USP42: variants seen among roughly 807,000 people sequenced by gnomAD.
The protein encoded by USP42 is ubiquitin carboxyl-terminal hydrolase 42.
USP42 carries 23 observed loss-of-function variants against 113.0 expected under a neutral mutation model. The observed-to-expected ratio is 0.20, with a 90% confidence interval of 0.15 to 0.29. The LOEUF (loss-of-function observed/expected upper bound fraction) is 0.29. Among genes scored for constraint, USP42 ranks in the 10% least tolerant of loss-of-function variants. USP42 has a pLI of 1.00. For missense variants in USP42, 2,174 were observed against 1,779.8 expected, an observed-to-expected ratio of 1.22 and a Z score of -3.99; for synonymous variants, 933 against 699.0, an observed-to-expected ratio of 1.33 and a Z score of -5.28.
intron 3 of USP42, among the ~76,000 whole-genome samples, chr7:6,124,007 C>T (rs1430799492): frequency 6.6e-6 from 1 of 152,100 alleles, no homozygotes; most frequent in Non-Finnish European, 1.5e-5. Context: ...TCCTAAGTAG[C>T]TGGGATTACA....
In USP42 at chr7:6,149,732, G is replaced by A; in HGVS notation, c.1536G>A (p.Val512=). The part of the protein sequence containing the change: ...VQNWSVNRSS[V]IPEHPKKQKI... ...ACTGGTCAGTTAATAGGTCCTCAGT[G>A]ATCCCAGAACATCCTAAGAAACAAA... is the stretch of plus-strand genomic sequence containing the variant. The change falls in exon 13 of 18, where the codon GTG becomes GTA. Residue 512 remains valine (V), a synonymous_variant. Coordinates refer to ENST00000306177, the MANE Select transcript of USP42 (RefSeq NM_032172.3). The A allele has an allele frequency of 6.2e-7, 1 of 1,613,932 alleles. No individual in the cohort carries two copies. Among genetic ancestry groups the A allele is most frequent in the Non-Finnish European group, 8.5e-7 (1 of 1,179,884 alleles).
At chr7:6,103,228 C>T (rs1456894176), upstream of USP42, among the ~76,000 whole-genome samples, 3 of 150,894 alleles carry the variant, frequency 2.0e-5, 1 homozygote, top group African/African-American at 7.5e-5. Flanking sequence ...CAGTTGTCTC[C>T]TAAGCCTGTA....
upstream of USP42, among the ~76,000 whole-genome samples, chr7:6,100,540 G>C (rs548339104): frequency 1.3e-5 from 2 of 150,422 alleles, no homozygotes; most frequent in South Asian, 4.2e-4. Context: ...ATGTTGGCCA[G>C]GCTTGTCTCG....
intron 11 of USP42, 113 bp from the exon 12 acceptor site, chr7:6,147,626 T>A (rs1462822299): frequency 1.5e-5 from 19 of 1,252,606 alleles, no homozygotes; most frequent in Non-Finnish European, 1.9e-5. Flanking sequence ...ATAAACATGC[T>A]ATTTTTTTCA....
At position 6,154,231 on chromosome 7, in the gene USP42, C is replaced by T. The variant is rs1036970927; in HGVS notation, c.2677C>T (p.Pro893Ser). ...AQDPSQSLGA[P>S]EAAERPPAPV... The stretch of plus-strand genomic sequence containing the variant: ...GGACCCATCCCAGAGCTTGGGCGCA[C>T]CCGAGGCCGCAGAGCGGCCGCCAGC... Residue 893 changes from proline (P) to serine (S), a missense_variant, in exon 15 of 18, where the codon CCC becomes TCC. By Grantham distance (74) the Pro-to-Ser change is moderately conservative. Transcript: ENST00000306177. 3 of 1,606,376 alleles carry T rather than the reference C, an allele frequency of 1.9e-6. No homozygotes were observed. The highest frequency in any genetic ancestry group is 3.3e-5 in the Admixed American group (2 of 59,738).
chr7:6,119,183 A>G (rs1409487229), intron 3 of USP42, among the ~76,000 whole-genome samples: 1 of 152,140 alleles, frequency 6.6e-6, no homozygotes, highest in African/African-American at 2.4e-5. Flanking sequence ...CCACTGTATT[A>G]CAGCCTGAGT....
intron 12 of USP42, among the ~76,000 whole-genome samples, chr7:6,148,877 G>A (rs1781870632): frequency 6.6e-6 from 1 of 152,230 alleles, no homozygotes; most frequent in Admixed American, 6.5e-5. Context: ...CTGGCAAACA[G>A]GAGGGCATGT....
upstream of USP42, among the ~76,000 whole-genome samples, chr7:6,102,008 G>C (rs752408701): frequency 4.6e-5 from 7 of 150,568 alleles, no homozygotes; most frequent in Non-Finnish European, 1.0e-4. Context: ...GGGAGGTGGA[G>C]GTTGCAGTGA....
chr7:6,143,176 C>G (rs975773645), intron 8 of USP42, among the ~76,000 whole-genome samples, 162 bp downstream of exon 8: 8 of 152,092 alleles, frequency 5.3e-5, no homozygotes, highest in Non-Finnish European at 1.0e-4. Flanking sequence ...CCCGGAGTGT[C>G]TTGATGTGTG....
chr7:6,114,249 C>T (rs939853377), intron 2 of USP42, among the ~76,000 whole-genome samples: 2 of 152,052 alleles, frequency 1.3e-5, no homozygotes, highest in Non-Finnish European at 2.9e-5. Flanking sequence ...ATGGTAAGGA[C>T]GGCAGTGATG....
Position 6,154,879 on chromosome 7 carries a change from A to C in USP42, c.3325A>C (p.Arg1109=), listed in dbSNP as rs1782341037. The C allele has an allele frequency of 6.5e-7, 1 of 1,528,028 alleles. No individual in the cohort carries two copies. Among genetic ancestry groups the C allele is most frequent in the African/African-American group, 1.4e-5 (1 of 71,802 alleles). The allele number at this position is 1,528,028 out of a possible 1,614,324, so 94.7% of individuals were successfully genotyped here. ...GRRGCEPARE[R]ERHRPSSPRA... ...TAGGGGCTGCGAGCCGGCCCGGGAG[A>C]GGGAGCGGCACCGCCCCAGCAGCCC... Residue 1109 remains arginine (R), a synonymous_variant, in exon 15 of 18, where the codon AGG becomes CGG. Transcript: ENST00000306177.
Position 6,149,808 on chromosome 7 carries a change from C to G in USP42, c.1612C>G (p.Gln538Glu). The change falls in exon 13 of 18, where the codon CAA (glutamine) becomes GAA (glutamate). Residue 538 changes from glutamine (Q) to glutamate (E), a missense_variant. By Grantham distance (29) the Gln-to-Glu change is conservative. Transcript: ENST00000306177. ...NKLPVRQCQS[Q>E]PNLHSNSLEN... Reference sequence around the variant, plus strand: ...GTTGCCTGTTCGCCAGTGTCAGTCTCAACCTAACCTTCATAGTAATTCTTT... The same window carrying G: ...GTTGCCTGTTCGCCAGTGTCAGTCTGAACCTAACCTTCATAGTAATTCTTT... 1.9e-6 allele frequency: 3 copies of G among 1,614,036 alleles called. No homozygotes were observed. The highest frequency in any genetic ancestry group is 2.7e-5 in the African/African-American group (2 of 75,052).
intron 11 of USP42, among the ~76,000 whole-genome samples, chr7:6,146,673 C>A (rs896106153): frequency 2.0e-5 from 3 of 152,084 alleles, no homozygotes; most frequent in Non-Finnish European, 4.4e-5. Context: ...AAAAAAAAAC[C>A]AAAAACCATC....
chr7:6,143,034 G>A lies in USP42; in HGVS notation c.878+20G>A. ...CAGCAAGTACGTTGGGTGGTGACTT[G>A]ATTCTTGATGCCGGCTTCTCCAGTG... is the stretch of plus-strand genomic sequence containing the variant. On this transcript the variant is annotated intron_variant, in intron 8 of 17. Transcript: ENST00000306177. 2 of 1,613,436 alleles carry A rather than the reference G, an allele frequency of 1.2e-6. No homozygotes were observed. The highest frequency in any genetic ancestry group is 1.7e-6 in the Non-Finnish European group (2 of 1,179,426).
At chr7:6,111,769 ATTTTTT>A in intron 2 of USP42, 2 of 138,752 alleles carry the variant, frequency 1.4e-5, no homozygotes, top group African/African-American at 5.7e-5. Context: ...AGCCCGGCTA[ATTTTTT>A]TTTTTTTTTT....
At position 6,149,590 on chromosome 7, in the gene USP42, C is replaced by G; in HGVS notation, c.1394C>G (p.Pro465Arg). 1 of 1,611,388 alleles carries G rather than the reference C, an allele frequency of 6.2e-7. No individual in the cohort carries two copies. The highest frequency in any genetic ancestry group is 8.5e-7 in the Non-Finnish European group (1 of 1,177,974). Residue 465 changes from proline (P) to arginine (R), a missense_variant, in exon 13 of 18, where the codon CCT becomes CGT. By Grantham distance (103) the Pro-to-Arg change is moderately radical. Coordinates refer to ENST00000306177, the MANE Select transcript of USP42 (RefSeq NM_032172.3). ...CGCTCTGCTTACTTCCAGAATCCAC[C>G]TCACTTAAATGGGACTGGACCATTG... is the stretch of plus-strand genomic sequence containing the variant. ...QLPSHMIKNP[P>R]HLNGTGPLKD...
chr7:6,103,466 G>A (rs1479537085), upstream of USP42, among the ~76,000 whole-genome samples: 11 of 149,430 alleles, frequency 7.4e-5, 1 homozygote, highest in Admixed American at 4.6e-4. Context: ...GCAGTGAGCC[G>A]AGATGACACC....
At chr7:6,123,675 A>G (rs1454175840) in intron 3 of USP42, among the ~76,000 whole-genome samples, 3 of 151,776 alleles carry the variant, frequency 2.0e-5, no homozygotes. Context: ...AATAAAAAAT[A>G]AATAAAAATA....
At chr7:6,097,988 T>C in the USP42 span, among the ~76,000 whole-genome samples, 1 of 143,290 alleles carries the variant, frequency 7.0e-6, no homozygotes, top group South Asian at 2.2e-4. Flanking sequence ...CACTGCAAAC[T>C]TCAACTCCCT....
Sources: gnomAD v4.1 joint callset for allele counts (sites outside exome capture counted in the v4.1 genomes callset) on GRCh38, gnomAD v4.1.1 for gene constraint, MANE v1.5 for transcripts, NCBI Gene and HGNC (gene_info 2026-07-23, HGNC 2026-07-21) for gene names.